PRKDC: variants seen among roughly 807,000 people sequenced by gnomAD.
PRKDC encodes the protein protein kinase, DNA-activated, catalytic subunit, also known as DNA-dependent protein kinase catalytic subunit.
Under a neutral mutation model 486.9 loss-of-function variants are expected in PRKDC, and 82 were observed. The ratio of observed to expected loss-of-function variants is 0.17; its 90% CI spans 0.14 to 0.20. PRKDC has a LOEUF of 0.20. Ranked by LOEUF, PRKDC falls within the 10% of genes least tolerant of loss-of-function variation. The probability of loss-of-function intolerance (pLI) is 1.00; values close to 1 mark genes in which losing one functional copy is unlikely to be tolerated. For synonymous variants in PRKDC, 1,895 were observed against 1,837.0 expected, an observed-to-expected ratio of 1.03 and a Z score of -0.81; for missense variants, 4,504 against 5,038.2, an observed-to-expected ratio of 0.89 and a Z score of 3.21.
intron 22 of PRKDC, among the ~76,000 whole-genome samples, chr8:47,916,427 T>A (rs1462439370): frequency 6.6e-6 from 1 of 151,498 alleles, no homozygotes; most frequent in African/African-American, 2.4e-5. Context: ...CGAGACTCCA[T>A]CTCAAAATAA....
chr8:47,888,032 T>G (rs552749555), intron 34 of PRKDC, among the ~76,000 whole-genome samples: 15 of 152,186 alleles, frequency 9.9e-5, no homozygotes, highest in East Asian at 9.7e-4. Flanking sequence ...AATGTTTTTT[T>G]TTGTTGTTGT....
At chr8:47,929,054 G>A (rs1482280776) in intron 19 of PRKDC, 38 bp downstream of exon 19, 2 of 1,348,342 alleles carry the variant, frequency 1.5e-6, no homozygotes, top group African/African-American at 2.9e-5. Context: ...TTTAAAAACA[G>A]TTCATGATAA....
chr8:47,912,544 A>C lies in PRKDC; in HGVS notation c.2800T>G (p.Leu934Val), dbSNP rs750606272. Residue 934 changes from leucine to valine, a missense_variant, in exon 25 of 86, where the codon TTA (leucine) becomes GTA (valine). By Grantham distance (32) the Leu-to-Val change is conservative. Coordinates refer to ENST00000314191, the MANE Select transcript of PRKDC (RefSeq NM_006904.7). ...AACATAAACATAACCATGCTATGTA[A>C]AAGTTCACAGGCTGCAACCTAAAAC... ...RQTKVAACEL[L>V]HSMVMFMLGK... The C allele has an allele frequency of 6.2e-7, 1 of 1,611,782 alleles. No homozygotes were observed. Among genetic ancestry groups the C allele is most frequent in the Non-Finnish European group, 8.5e-7 (1 of 1,178,654 alleles).
rs778687195 is a variant in PRKDC at position 47,926,343 on chromosome 8, A to C, written c.2419+851T>G. On this transcript the variant is annotated intron_variant, in intron 21 of 85. Coordinates refer to ENST00000314191, the MANE Select transcript of PRKDC (RefSeq NM_006904.7). ...ATGCACTGAGGATGTCAGAAAAAGGAGACACAGTGCATGAAATCTGTCACA... is the reference window on the plus strand; with the variant it reads ...ATGCACTGAGGATGTCAGAAAAAGGCGACACAGTGCATGAAATCTGTCACA... Among the ~76,000 whole-genome samples the C allele has an allele frequency of 6.4e-4, 97 of 152,236 alleles. 3 individuals are homozygous for C. The highest frequency in any genetic ancestry group is 3.3e-4 in the Admixed American group (5 of 15,276).
At chr8:47,803,026 A>T (rs1411498371) in intron 70 of PRKDC, among the ~76,000 whole-genome samples, 1 of 152,102 alleles carries the variant, frequency 6.6e-6, no homozygotes, top group Non-Finnish European at 1.5e-5. Flanking sequence ...TGACCTCGTG[A>T]TCCACCCACC....
chr8:47,780,487 A>T (rs1272065256), intron 80 of PRKDC, among the ~76,000 whole-genome samples: 1 of 152,244 alleles, frequency 6.6e-6, no homozygotes, highest in Non-Finnish European at 1.5e-5. Flanking sequence ...AGTTTTCCCG[A>T]TAAAATCTAA....
intron 14 of PRKDC, 90 bp downstream of exon 14, chr8:47,934,919 T>A (rs1165628414): frequency 2.1e-5 from 22 of 1,072,180 alleles, no homozygotes; most frequent in Non-Finnish European, 2.6e-5. Context: ...GAACGGCCAC[T>A]TTTGCAAAAT....
chr8:47,943,800 G>T, intron 9 of PRKDC, 53 bp downstream of exon 9: 1 of 1,393,726 alleles, frequency 7.2e-7, no homozygotes, highest in South Asian at 1.3e-5. Flanking sequence ...GCTTACTTGA[G>T]ATGTTAATTT....
intron 1 of PRKDC, chr8:47,959,229 C>T (rs2090767850): frequency 6.6e-6 from 1 of 152,126 alleles, no homozygotes; most frequent in Non-Finnish European, 1.5e-5. Context: ...GGCACTTTTA[C>T]TACAAAGGGG....
intron 21 of PRKDC, among the ~76,000 whole-genome samples, chr8:47,921,900 C>T (rs918286631): frequency 6.6e-6 from 1 of 152,134 alleles, no homozygotes; most frequent in African/African-American, 2.4e-5. Flanking sequence ...TCTGCCTCAG[C>T]CTCCCGAGTA....
intron 84 of PRKDC, 48 bp from the exon 85 acceptor site, chr8:47,777,031 C>A: frequency 1.3e-6 from 2 of 1,566,860 alleles, no homozygotes; most frequent in Non-Finnish European, 1.7e-6. Flanking sequence ...ATGGTATATA[C>A]AATCATGCCC....
rs764446942 is a variant in PRKDC, at chr8:47,862,131, T to C, written c.5920-4A>G. The C allele has an allele frequency of 1.9e-6, 3 of 1,545,476 alleles. No homozygotes were observed. The Admixed American group carries it at 5.9e-5, about 30-fold the overall frequency. On this transcript the variant is annotated splice_region_variant and splice_polypyrimidine_tract_variant and intron_variant, in intron 43 of 85. Coordinates refer to ENST00000314191, the MANE Select transcript of PRKDC (RefSeq NM_006904.7). ...GATTTTCAAAAATAAGCAAGTTCTG[T>C]GAATACAAAGAATCATATAAAAATA...
At chr8:47,824,976 A>T (rs2087700303) in intron 63 of PRKDC, among the ~76,000 whole-genome samples, 1 of 152,158 alleles carries the variant, frequency 6.6e-6, no homozygotes, top group Non-Finnish European at 1.5e-5. Flanking sequence ...CCTAGAGCTT[A>T]TGAATTCTGA....
chr8:47,777,824 G>A lies in PRKDC; in HGVS notation c.11904C>T (p.Ile3968=). 4 of 1,613,998 alleles carry A rather than the reference G, an allele frequency of 2.5e-6. No individual in the cohort carries two copies. The highest frequency in any genetic ancestry group is 3.4e-6 in the Non-Finnish European group (4 of 1,179,898). ...TTTCTTTCATTGGTAACATCAGATT[G>A]ATAAACTGGCGAGTTAGCCGAAAAG... is the stretch of plus-strand genomic sequence containing the variant. The part of the protein sequence containing the change: ...LMPFRLTRQF[I]NLMLPMKETG... Residue 3968 remains isoleucine, a synonymous_variant, in exon 84 of 86, where the codon ATC becomes ATT. Transcript: ENST00000314191.
At position 47,927,274 on chromosome 8, in the gene PRKDC, A is replaced by G; in HGVS notation, c.2339T>C (p.Ile780Thr). The G allele has an allele frequency of 6.2e-7, 1 of 1,613,776 alleles. No homozygotes were observed. The highest frequency in any genetic ancestry group is 8.5e-7 in the Non-Finnish European group (1 of 1,179,702). Residue 780 changes from isoleucine to threonine, a missense_variant, in exon 21 of 86, where the codon ATT becomes ACT. This residue lies in a region of PRKDC where 1,969 missense variants were observed against 2,068.9 expected (regional missense o/e 0.95). Coordinates refer to ENST00000314191, the MANE Select transcript of PRKDC (RefSeq NM_006904.7). ...LNALEEWSIY[I>T]DRHVMQPYYK... is the part of the protein sequence containing the mutation. ...ATAAGGCTGCATTACATGTCTGTCA[A>G]TATAAATTGACCATTCTTCTAGAGC...
chr8:47,820,453 GA>G (rs747833902), intron 66 of PRKDC, among the ~76,000 whole-genome samples: 1 of 149,496 alleles, frequency 6.7e-6, no homozygotes. Context: ...TAACAAAAAG[GA>G]AAAAAAATGA....
At chr8:47,831,719 T>C (rs546234510) in intron 60 of PRKDC, 95 bp downstream of exon 60, 69 of 1,328,226 alleles carry the variant, frequency 5.2e-5, no homozygotes, top group East Asian at 1.4e-4. Context: ...GCAGGTGACA[T>C]TGGAGGCAGT....
In PRKDC at chr8:47,858,578, T is replaced by C; in HGVS notation, c.6403A>G (p.Asn2135Asp). Reference protein sequence around the residue: ...WMKFLHGKLGNPIVPLNIRLF... With the variant: ...WMKFLHGKLGDPIVPLNIRLF... The stretch of plus-strand genomic sequence containing the variant: ...CGGATATTTAATGGTACTATTGGAT[T>C]TCCCAGTTTGCCATGGAGGAATTTC... Residue 2135 changes from asparagine to aspartate, a missense_variant, in exon 48 of 86, where the codon AAT becomes GAT. This residue lies in a region of PRKDC where 1,592 missense variants were observed against 1,724.6 expected (regional missense o/e 0.92). Coordinates refer to ENST00000314191, the MANE Select transcript of PRKDC (RefSeq NM_006904.7). 2 of 1,561,278 alleles carry C rather than the reference T, an allele frequency of 1.3e-6. No homozygotes were observed. The highest frequency in any genetic ancestry group is 1.7e-6 in the Non-Finnish European group (2 of 1,151,852).
At chr8:47,781,133 G>C (rs2086692042) in intron 80 of PRKDC, among the ~76,000 whole-genome samples, 2 of 152,140 alleles carry the variant, frequency 1.3e-5, no homozygotes, top group African/African-American at 4.8e-5. Context: ...CACAAATGCA[G>C]GCAGGTACCA....
Sources: allele counts gnomAD v4.1 joint callset (sites outside exome capture counted in the v4.1 genomes callset), GRCh38; gene constraint gnomAD v4.1.1; regional missense constraint gnomAD v4.1.1; transcripts MANE v1.5; gene names NCBI Gene and HGNC (gene_info 2026-07-23, HGNC 2026-07-21).